NOX4: variants seen among roughly 807,000 people sequenced by gnomAD.
NOX4 encodes the protein NADPH oxidase 4.
NOX4 carries 69 observed loss-of-function variants against 87.6 expected under a neutral mutation model. That is an observed-to-expected ratio of 0.79 (90% confidence interval 0.65 to 0.96). The LOEUF is 0.96. Among genes scored for constraint, NOX4 ranks in the 40% least tolerant of loss-of-function variants. The pLI, the probability that NOX4 is intolerant of heterozygous loss-of-function variation, is 0.00. For missense variants in NOX4, 680 were observed against 681.5 expected, an observed-to-expected ratio of 1.00 and a Z score of 0.02; for synonymous variants, 275 against 238.2, an observed-to-expected ratio of 1.15 and a Z score of -1.42.
chr11:89,379,002 AAAAG>A (rs1940074489), intron 11 of NOX4, among the ~76,000 whole-genome samples: 2 of 152,190 alleles, frequency 1.3e-5, no homozygotes, highest in African/African-American at 4.8e-5. Context: ...TTCAATATTA[AAAAG>A]AAAGATTCTG....
chr11:89,539,068 G>A, the NOX4 span, among the ~76,000 whole-genome samples: 5 of 152,048 alleles, frequency 3.3e-5, no homozygotes, highest in Admixed American at 3.3e-4. Flanking sequence ...GCCAAGAAGA[G>A]AGCTCTCACC....
chr11:89,435,741 G>A (rs1944053490), intron 6 of NOX4, among the ~76,000 whole-genome samples: 1 of 152,048 alleles, frequency 6.6e-6, no homozygotes, highest in Admixed American at 6.6e-5. Context: ...TATATGGTCT[G>A]GGATTATACT....
intron 2 of NOX4, among the ~76,000 whole-genome samples, chr11:89,485,932 G>C (rs1946571718): frequency 6.6e-6 from 1 of 151,986 alleles, no homozygotes; most frequent in African/African-American, 2.4e-5. Context: ...CATTAACTCA[G>C]GCATAAACCA....
the NOX4 span, among the ~76,000 whole-genome samples, chr11:89,578,231 G>C: frequency 1.3e-5 from 2 of 151,212 alleles, no homozygotes; most frequent in Non-Finnish European, 2.9e-5. Flanking sequence ...GCGTGATCAC[G>C]GCTTACTGCA....
chr11:89,441,023 G>C (rs986722963), intron 5 of NOX4, among the ~76,000 whole-genome samples: 1 of 152,092 alleles, frequency 6.6e-6, no homozygotes, highest in Non-Finnish European at 1.5e-5. Flanking sequence ...GCCCATCTTT[G>C]ACCATTTTGA....
the NOX4 span, among the ~76,000 whole-genome samples, chr11:89,561,211 T>G: frequency 4.6e-5 from 7 of 150,810 alleles, no homozygotes; most frequent in Non-Finnish European, 8.8e-5. Flanking sequence ...CATAAAGGAT[T>G]ACAATACATT....
intron 11 of NOX4, among the ~76,000 whole-genome samples, chr11:89,399,357 A>T (rs551629479): frequency 6.7e-6 from 1 of 148,722 alleles, no homozygotes; most frequent in African/African-American, 2.5e-5. Flanking sequence ...CTCCAAAGAA[A>T]ATTGTGCATA....
At chr11:89,513,334 C>T in the NOX4 span, among the ~76,000 whole-genome samples, 1 of 151,108 alleles carries the variant, frequency 6.6e-6, no homozygotes, top group African/African-American at 2.4e-5. Flanking sequence ...AAAAAAAAAT[C>T]ACATTCATAG....
chr11:89,361,496 T>C (rs1263955812), intron 12 of NOX4, among the ~76,000 whole-genome samples: 3 of 152,054 alleles, frequency 2.0e-5, no homozygotes, highest in Non-Finnish European at 4.4e-5. Context: ...AAACTACATA[T>C]TGGGTACAGT....
At chr11:89,459,213 C>A (rs1234685548) in intron 2 of NOX4, among the ~76,000 whole-genome samples, 1 of 151,978 alleles carries the variant, frequency 6.6e-6, no homozygotes, top group African/African-American at 2.4e-5. Context: ...ATACCGAGAA[C>A]ATGTTCTCAC....
At chr11:89,542,018 C>G in the NOX4 span, among the ~76,000 whole-genome samples, 2 of 151,968 alleles carry the variant, frequency 1.3e-5, no homozygotes, top group Admixed American at 1.3e-4. Flanking sequence ...ACCATGTTTT[C>G]CAGGCTGGTC....
chr11:89,383,469 G>A (rs775078260), intron 11 of NOX4, among the ~76,000 whole-genome samples: 22 of 152,142 alleles, frequency 1.4e-4, no homozygotes, highest in African/African-American at 4.8e-4. Context: ...AATGCTGCCC[G>A]ATCGCCTCTG....
intron 12 of NOX4, among the ~76,000 whole-genome samples, chr11:89,366,211 T>TG (rs1450414880): frequency 6.6e-6 from 1 of 152,064 alleles, no homozygotes; most frequent in Non-Finnish European, 1.5e-5. Context: ...TTTTCTTCCA[T>TG]GTTACATAGT....
chr11:89,496,487 A>G (rs1946952393), upstream of NOX4, among the ~76,000 whole-genome samples: 1 of 152,136 alleles, frequency 6.6e-6, no homozygotes, highest in Admixed American at 6.5e-5. Context: ...AAAACATGGT[A>G]ATCATTTCAC....
chr11:89,558,627 G>A, the NOX4 span, among the ~76,000 whole-genome samples: 16 of 152,078 alleles, frequency 1.1e-4, no homozygotes, highest in Admixed American at 4.6e-4. Context: ...CCCATTGAAG[G>A]CATTTATTAT....
chr11:89,487,546 T>C (rs1294737564), intron 2 of NOX4, among the ~76,000 whole-genome samples: 1 of 152,214 alleles, frequency 6.6e-6, no homozygotes, highest in Non-Finnish European at 1.5e-5. Flanking sequence ...TTGTTTCTAT[T>C]TGCATTTTAA....
chr11:89,329,386 T>G (rs1261494419), intron 17 of NOX4, among the ~76,000 whole-genome samples: 1 of 51,612 alleles, frequency 1.9e-5, no homozygotes, highest in African/African-American at 7.5e-5. Flanking sequence ...GAACAGAGCA[T>G]AAGTGGCCTG....
chr11:89,481,177 T>G (rs1946377068), intron 2 of NOX4, among the ~76,000 whole-genome samples: 1 of 152,060 alleles, frequency 6.6e-6, no homozygotes. Flanking sequence ...AGGTGTCATC[T>G]CATATGCTCA....
intron 8 of NOX4, among the ~76,000 whole-genome samples, chr11:89,420,793 A>C (rs1943041577): frequency 6.6e-6 from 1 of 152,176 alleles, no homozygotes; most frequent in Non-Finnish European, 1.5e-5. Context: ...AGGGATTGTC[A>C]GCTGTGTTAC....
Sources: gnomAD v4.1 joint callset for allele counts (sites outside exome capture counted in the v4.1 genomes callset) on GRCh38, gnomAD v4.1.1 for gene constraint, MANE v1.5 for transcripts, NCBI Gene and HGNC (gene_info 2026-07-23, HGNC 2026-07-21) for gene names.